The following AQP1 variants were observed in gnomAD, a reference collection of about 807,000 sequenced individuals.
AQP1 encodes the protein aquaporin-1.
AQP1 carries 11 observed loss-of-function variants against 19.7 expected under a neutral mutation model. That is an observed-to-expected ratio of 0.56 (90% CI 0.35 to 0.92). The LOEUF (loss-of-function observed/expected upper bound fraction) is 0.92, where lower values mean the gene tolerates loss of function less well. Ranked by LOEUF, AQP1 falls within the 40% of genes least tolerant of loss-of-function variation. The probability of loss-of-function intolerance (pLI) is 0.01; values close to 1 mark genes in which losing one functional copy is unlikely to be tolerated. For missense variants in AQP1, 320 were observed against 369.7 expected (o/e 0.87, Z 1.10); for synonymous variants, 159 against 166.7 (o/e 0.95, Z 0.36).
rs192763050 is a variant in AQP1 at position 30,921,627 on chromosome 7, A to G, written c.385-439A>G. 2,720 of 1,550,684 alleles carry G rather than the reference A, an allele frequency of 1.8e-3. 4 individuals are homozygous for G. Among genetic ancestry groups the G allele is most frequent in the Non-Finnish European group, 2.1e-3 (2,463 of 1,146,960 alleles). On this transcript the variant is annotated intron_variant, in intron 1 of 3. Coordinates refer to ENST00000311813, the MANE Select transcript of AQP1 (RefSeq NM_198098.4). ...GGTGGAATGTTCTGGACTTTTGGGTATGAAGCCGTGTCCCCTGCTGGGCCT... is the reference window on the plus strand; with the variant it reads ...GGTGGAATGTTCTGGACTTTTGGGTGTGAAGCCGTGTCCCCTGCTGGGCCT...
chr7:30,921,829 G>A (rs987963614), intron 1 of AQP1: 59 of 1,549,614 alleles, frequency 3.8e-5, no homozygotes, highest in Non-Finnish European at 5.1e-5. Flanking sequence ...TGGGGCCTGG[G>A]TCTAGGCAGG....
At position 30,912,403 on chromosome 7, in the gene AQP1, A is replaced by G. The variant is rs1471437661; in HGVS notation, c.384+110A>G. The G allele has an allele frequency of 2.7e-6, 4 of 1,494,778 alleles. No homozygotes were observed. The highest frequency in any genetic ancestry group is 4.6e-5 in the East Asian group (2 of 43,412). The allele number at this position is 1,494,778 out of a possible 1,614,324, so 92.6% of individuals were successfully genotyped here. On this transcript the variant is annotated intron_variant, in intron 1 of 3. Coordinates refer to ENST00000311813, the MANE Select transcript of AQP1 (RefSeq NM_198098.4). This position sits in a 1 kb window ranked among gnomAD's most constrained non-coding sequence, Gnocchi z 4.3. ...GGGACACTGAGGAACGGAGAGGACA[A>G]GAGGTTGCTGGAGGTCACGTAGAGA...
At chr7:30,918,465 C>T (rs925815460) in intron 1 of AQP1, among the ~76,000 whole-genome samples, 4 of 152,224 alleles carry the variant, frequency 2.6e-5, no homozygotes, top group Non-Finnish European at 5.9e-5. Context: ...CCCATGTCCA[C>T]GTGTGAACAC....
At chr7:30,921,546 C>T in intron 1 of AQP1, 1 of 1,535,222 alleles carries the variant, frequency 6.5e-7, no homozygotes, top group Non-Finnish European at 8.8e-7. Context: ...GTGGAGGGAG[C>T]CAGGACCTCA....
At chr7:30,915,906 C>T (rs537560342) in intron 1 of AQP1, among the ~76,000 whole-genome samples, 87 of 152,256 alleles carry the variant, frequency 5.7e-4, no homozygotes, top group Middle Eastern at 3.4e-3. Context: ...GCAGAGTTTC[C>T]ATGTCCCTGC....
At chr7:30,916,458 C>T (rs1271749868) in intron 1 of AQP1, among the ~76,000 whole-genome samples, 13 of 152,236 alleles carry the variant, frequency 8.5e-5, no homozygotes, top group Admixed American at 2.0e-4. Context: ...GCCCTCACAC[C>T]GGGAGGTGAA....
chr7:30,921,380 G>C, intron 1 of AQP1: 2 of 1,405,526 alleles, frequency 1.4e-6, no homozygotes, highest in Non-Finnish European at 1.8e-6. Context: ...GTGAGGCTGA[G>C]GCCAGCAGTG....
chr7:30,921,485 A>G lies in AQP1; in HGVS notation c.385-581A>G, dbSNP rs528411526. ...AAGGAAAGAGACGGGGTGGAGAAGG[A>G]GAGAGAGAGGGTGGAGACAATAGGG... On this transcript the variant is annotated intron_variant, in intron 1 of 3. Transcript: ENST00000311813. 5.8e-5 allele frequency: 86 copies of G among 1,473,078 alleles called. 1 individual carries two copies. The African/African-American group carries it at 9.6e-4, about 16-fold the overall frequency. The allele number at this position is 1,473,078 out of a possible 1,614,324, so 91.3% of individuals were successfully genotyped here. A position where few individuals can be genotyped will look rare whatever the true frequency, so the allele number is the denominator to read the frequency against.
chr7:30,916,345 T>C (rs1224484754), intron 1 of AQP1, among the ~76,000 whole-genome samples: 1 of 152,226 alleles, frequency 6.6e-6, no homozygotes, highest in Admixed American at 6.5e-5. Flanking sequence ...CAATTCCAGA[T>C]GGTACCCCCA....
Position 30,924,113 on chromosome 7 carries a change from G to C in AQP1, c.*484G>C. On this transcript the variant is annotated 3_prime_UTR_variant, in exon 4 of 4. Coordinates refer to ENST00000311813, the MANE Select transcript of AQP1 (RefSeq NM_198098.4). The stretch of plus-strand genomic sequence containing the variant: ...AGATCCCAGGAGGTGCAGTGGAGGG[G>C]GCAAGCTTTGCTCCTTCAGTTCTGC... 1 of 1,194,946 alleles carries C rather than the reference G, an allele frequency of 8.4e-7. No homozygotes were observed. The highest frequency in any genetic ancestry group is 1.6e-5 in the South Asian group (1 of 63,568). The allele number at this position is 1,194,946 out of a possible 1,614,324, so 74.0% of individuals were successfully genotyped here. A position where few individuals can be genotyped will look rare whatever the true frequency, so the allele number is the denominator to read the frequency against.
At chr7:30,920,400 A>C (rs1455614411) in intron 1 of AQP1, among the ~76,000 whole-genome samples, 1 of 152,124 alleles carries the variant, frequency 6.6e-6, no homozygotes, top group Non-Finnish European at 1.5e-5. Context: ...AACCCCATTC[A>C]GCCTGTCCTA....
chr7:30,920,752 CTGGGCAT>C (rs1159583596), intron 1 of AQP1, among the ~76,000 whole-genome samples: 1 of 152,228 alleles, frequency 6.6e-6, no homozygotes, highest in Non-Finnish European at 1.5e-5. Context: ...AGAAAGGGAA[CTGGGCAT>C]TGGCCAGAGG....
At chr7:30,913,691 C>T (rs1036142519) in intron 1 of AQP1, among the ~76,000 whole-genome samples, 1 of 152,216 alleles carries the variant, frequency 6.6e-6, no homozygotes, top group East Asian at 1.9e-4. Context: ...TTCTGTGTCA[C>T]GGTGACACCT....
chr7:30,923,752 G>A lies in AQP1; in HGVS notation c.*123G>A. On this transcript the variant is annotated 3_prime_UTR_variant, in exon 4 of 4. Transcript: ENST00000311813. The surrounding 1 kb of genome is among the most constrained non-coding windows in gnomAD (Gnocchi z 4.8). ...GGCCAAAGTCACTTCCCCAAGATCT[G>A]CCAGACCTGCATGGTCAAGCCTCTT... 6.7e-7 allele frequency: 1 copy of A among 1,503,666 alleles called. No homozygotes were observed. Among genetic ancestry groups the A allele is most frequent in the Non-Finnish European group, 8.9e-7 (1 of 1,122,442 alleles). The allele number at this position is 1,503,666 out of a possible 1,614,324, so 93.1% of individuals were successfully genotyped here. A position where few individuals can be genotyped will look rare whatever the true frequency, so the allele number is the denominator to read the frequency against.
intron 1 of AQP1, among the ~76,000 whole-genome samples, chr7:30,913,646 C>T (rs189124823): frequency 5.9e-5 from 9 of 152,312 alleles, no homozygotes; most frequent in Non-Finnish European, 1.3e-4. Flanking sequence ...GTGCAGAGGG[C>T]AGCTGGCTCA....
In AQP1 at chr7:30,924,248, C is replaced by T; in HGVS notation, c.*619C>T. 1.9e-6 allele frequency: 1 copy of T among 524,172 alleles called. No individual in the cohort carries two copies. The highest frequency in any genetic ancestry group is 2.8e-6 in the Non-Finnish European group (1 of 362,400). The allele number at this position is 524,172 out of a possible 1,614,324, so 32.5% of individuals were successfully genotyped here. The stretch of plus-strand genomic sequence containing the variant: ...CAAAGTGGCAGGGACCGGCAGAGCT[C>T]TACAGGCCTGCAGCCCCTAAGTGCA... On this transcript the variant is annotated 3_prime_UTR_variant, in exon 4 of 4. Coordinates refer to ENST00000311813, the MANE Select transcript of AQP1 (RefSeq NM_198098.4).
Position 30,912,415 on chromosome 7 carries a change from A to G in AQP1, c.384+122A>G. On this transcript the variant is annotated intron_variant, in intron 1 of 3. Coordinates refer to ENST00000311813, the MANE Select transcript of AQP1 (RefSeq NM_198098.4). This position sits in a 1 kb window ranked among gnomAD's most constrained non-coding sequence, Gnocchi z 4.3. ...AACGGAGAGGACAAGAGGTTGCTGG[A>G]GGTCACGTAGAGAGCTGGGGGGAAG... The G allele has an allele frequency of 7.0e-7, 1 of 1,419,322 alleles. No homozygotes were observed. Among genetic ancestry groups the G allele is most frequent in the Non-Finnish European group, 9.5e-7 (1 of 1,053,520 alleles). The allele number at this position is 1,419,322 out of a possible 1,614,324, so 87.9% of individuals were successfully genotyped here. A position where few individuals can be genotyped will look rare whatever the true frequency, so the allele number is the denominator to read the frequency against.
At chr7:30,913,977 G>A (rs751523427) in intron 1 of AQP1, among the ~76,000 whole-genome samples, 2 of 152,134 alleles carry the variant, frequency 1.3e-5, no homozygotes, top group Non-Finnish European at 2.9e-5. Flanking sequence ...GGGAGTGGAT[G>A]TGATTTCCAG....
rs753098391 is a variant in AQP1, at chr7:30,922,597, C to T, written c.583C>T (p.Arg195Trp). Residue 195 changes from arginine (R) to tryptophan (W), a missense_variant, in exon 3 of 4, where the codon CGG becomes TGG. Coordinates refer to ENST00000311813, the MANE Select transcript of AQP1 (RefSeq NM_198098.4). ...CACTGGCTGTGGGATTAACCCTGCT[C>T]GGTCCTTTGGCTCCGCGGTGATCAC... is the stretch of plus-strand genomic sequence containing the variant. ...DYTGCGINPA[R>W]SFGSAVITHN... 4.3e-6 allele frequency: 7 copies of T among 1,614,034 alleles called. No individual in the cohort carries two copies. The highest frequency in any genetic ancestry group is 4.0e-5 in the African/African-American group (3 of 74,914).
Sources: gnomAD v4.1 joint callset for allele counts (sites outside exome capture counted in the v4.1 genomes callset) on GRCh38, gnomAD v4.1.1 for gene constraint, Gnocchi (gnomAD v3.1) non-coding constraint, MANE v1.5 for transcripts, NCBI Gene and HGNC (gene_info 2026-07-23, HGNC 2026-07-21) for gene names.